The following EXOC6B variants were observed in gnomAD, a reference collection of about 807,000 sequenced individuals.
EXOC6B encodes exocyst complex component 6B.
Under a neutral mutation model 113.5 loss-of-function variants are expected in EXOC6B, and 54 were observed. That is an observed-to-expected ratio of 0.48 (90% CI 0.38 to 0.60). The LOEUF (loss-of-function observed/expected upper bound fraction) is 0.60. Among genes scored for constraint, EXOC6B ranks in the 20% least tolerant of loss-of-function variants. The pLI is 0.00. For missense variants in EXOC6B, 797 were observed against 977.5 expected (o/e 0.82, Z 2.46); for synonymous variants, 357 against 339.0 (o/e 1.05, Z -0.58).
intron 1 of EXOC6B, among the ~76,000 whole-genome samples, chr2:72,787,747 C>T (rs1237857846): frequency 6.6e-6 from 1 of 152,114 alleles, no homozygotes; most frequent in East Asian, 1.9e-4. Flanking sequence ...TTACCTCAGC[C>T]TCCCAAATAG....
At chr2:72,413,881 C>G (rs758845296) in intron 18 of EXOC6B, among the ~76,000 whole-genome samples, 5 of 152,074 alleles carry the variant, frequency 3.3e-5, no homozygotes, top group Admixed American at 1.3e-4. Flanking sequence ...CTCTACTGTT[C>G]CATGAACCTC....
intron 20 of EXOC6B, among the ~76,000 whole-genome samples, chr2:72,245,036 C>T (rs745436511): frequency 1.4e-4 from 22 of 152,104 alleles, no homozygotes; most frequent in Non-Finnish European, 2.8e-4. Context: ...GAAGACTCAA[C>T]ATTGTCAAGA....
At chr2:72,513,016 T>C in intron 11 of EXOC6B, 116 bp downstream of exon 11, 1 of 1,221,688 alleles carries the variant, frequency 8.2e-7, no homozygotes, top group Non-Finnish European at 1.1e-6. Flanking sequence ...GAAGGACATC[T>C]ATAGCTCCAA....
chr2:72,559,589 C>G, intron 7 of EXOC6B, 68 bp from the exon 8 acceptor site: 3 of 1,276,672 alleles, frequency 2.3e-6, no homozygotes, highest in Non-Finnish European at 3.3e-6. Context: ...TTAATTGTTA[C>G]TACTCAAGTG....
intron 18 of EXOC6B, among the ~76,000 whole-genome samples, chr2:72,408,618 C>G (rs901788861): frequency 5.9e-5 from 9 of 151,996 alleles, no homozygotes; most frequent in Admixed American, 4.6e-4. Flanking sequence ...AATGGGGGAA[C>G]GACTCCCTAT....
chr2:72,388,699 G>A (rs1488798722), intron 18 of EXOC6B, among the ~76,000 whole-genome samples: 4 of 152,088 alleles, frequency 2.6e-5, no homozygotes, highest in African/African-American at 7.2e-5. Flanking sequence ...CATCTTTTCA[G>A]TTCTGCCAGT....
chr2:72,626,739 C>T (rs1258410867), intron 6 of EXOC6B, among the ~76,000 whole-genome samples: 1 of 152,136 alleles, frequency 6.6e-6, no homozygotes, highest in Admixed American at 6.6e-5. Flanking sequence ...CCATTAAACA[C>T]TGCCAAGTAT....
At chr2:72,250,393 A>G (rs961638953) in intron 20 of EXOC6B, among the ~76,000 whole-genome samples, 4 of 152,104 alleles carry the variant, frequency 2.6e-5, no homozygotes, top group Non-Finnish European at 5.9e-5. Context: ...CTCAGGCTGG[A>G]GTGCATTGGC....
intron 6 of EXOC6B, among the ~76,000 whole-genome samples, chr2:72,648,159 G>C (rs1178077389): frequency 6.6e-6 from 1 of 152,204 alleles, no homozygotes; most frequent in East Asian, 1.9e-4. Flanking sequence ...CATTTATGCA[G>C]CCAACAGACA....
intron 20 of EXOC6B, among the ~76,000 whole-genome samples, chr2:72,260,868 T>C (rs955175831): frequency 1.3e-5 from 2 of 152,188 alleles, no homozygotes; most frequent in African/African-American, 4.8e-5. Flanking sequence ...CTCTAAACCA[T>C]TGATTTAGAA....
intron 20 of EXOC6B, among the ~76,000 whole-genome samples, chr2:72,234,889 C>CA (rs918904813): frequency 1.3e-3 from 194 of 148,956 alleles, no homozygotes; most frequent in Middle Eastern, 6.8e-3. Flanking sequence ...AAGTAAAAAA[C>CA]AAAAAAAAAC....
intron 6 of EXOC6B, among the ~76,000 whole-genome samples, chr2:72,682,967 T>C (rs992081371): frequency 8.5e-5 from 13 of 152,292 alleles, no homozygotes; most frequent in Admixed American, 3.9e-4. Context: ...ACTGGAAAAG[T>C]TGTCTATTCC....
At chr2:72,772,392 T>A (rs571168206) in intron 1 of EXOC6B, among the ~76,000 whole-genome samples, 2 of 152,058 alleles carry the variant, frequency 1.3e-5, no homozygotes, top group African/African-American at 4.8e-5. Flanking sequence ...GCCTGCCCAA[T>A]AGAACCTGGT....
At chr2:72,673,437 A>G (rs1676055680) in intron 6 of EXOC6B, among the ~76,000 whole-genome samples, 1 of 152,162 alleles carries the variant, frequency 6.6e-6, no homozygotes, top group Admixed American at 6.5e-5. Context: ...TCTTGTTTTG[A>G]TTGAGCATAT....
chr2:72,473,607 C>T (rs969781808), intron 17 of EXOC6B, among the ~76,000 whole-genome samples: 5 of 151,962 alleles, frequency 3.3e-5, no homozygotes, highest in South Asian at 2.1e-4. Flanking sequence ...ATGGCTAGAT[C>T]ATGTTTTTTT....
chr2:72,776,381 C>T (rs1202811174), intron 1 of EXOC6B, among the ~76,000 whole-genome samples: 1 of 152,154 alleles, frequency 6.6e-6, no homozygotes, highest in Non-Finnish European at 1.5e-5. Context: ...CTTTGGGAGG[C>T]CAAGACGGGC....
chr2:72,748,096 T>C (rs1681815112), intron 1 of EXOC6B, among the ~76,000 whole-genome samples: 1 of 152,056 alleles, frequency 6.6e-6, no homozygotes, highest in South Asian at 2.1e-4. Flanking sequence ...TGCAAAAGTG[T>C]ATCCCATGAT....
intron 21 of EXOC6B, among the ~76,000 whole-genome samples, chr2:72,180,422 A>C (rs771950680): frequency 2.6e-5 from 4 of 152,234 alleles, no homozygotes; most frequent in Non-Finnish European, 5.9e-5. Context: ...ACAACCTCTG[A>C]CATCTATTGG....
At chr2:72,704,043 C>T (rs1053114285) in intron 6 of EXOC6B, among the ~76,000 whole-genome samples, 1 of 151,390 alleles carries the variant, frequency 6.6e-6, no homozygotes, top group South Asian at 2.1e-4. Flanking sequence ...AGCACCACAC[C>T]ACACCTATTC....
Sources: gnomAD v4.1 joint callset for allele counts (sites outside exome capture counted in the v4.1 genomes callset) on GRCh38, gnomAD v4.1.1 for gene constraint, MANE v1.5 for transcripts, NCBI Gene and HGNC (gene_info 2026-07-23, HGNC 2026-07-21) for gene names.